The following RGS17 variants were observed in gnomAD, a reference collection of about 807,000 sequenced individuals.
RGS17 encodes the protein regulator of G-protein signaling 17.
A neutral mutation model predicts 25.5 loss-of-function variants in RGS17; 12 were observed. The ratio of observed to expected loss-of-function variants is 0.47; its 90% CI spans 0.30 to 0.76. The LOEUF is 0.76. Among genes scored for constraint, RGS17 ranks in the 30% least tolerant of loss-of-function variants. RGS17 has a pLI of 0.07. For synonymous variants in RGS17, 71 were observed against 76.9 expected, an observed-to-expected ratio of 0.92 and a Z score of 0.40; for missense variants, 196 against 242.2, an observed-to-expected ratio of 0.81 and a Z score of 1.27.
intron 1 of RGS17, among the ~76,000 whole-genome samples, chr6:153,056,782 T>A (rs1253857876): frequency 1.3e-5 from 2 of 152,068 alleles, no homozygotes; most frequent in Non-Finnish European, 2.9e-5. Flanking sequence ...TTATTCTTCA[T>A]CCTTTTGTTT....
Position 153,007,395 on chromosome 6 carries a change from T to C in RGS17, c.*4179A>G, listed in dbSNP as rs1235571938. On this transcript the variant is annotated 3_prime_UTR_variant, in exon 5 of 5. Coordinates refer to ENST00000206262, the MANE Select transcript of RGS17 (RefSeq NM_012419.5). ...TGAAGATGGAAAACACAAAAATACA[T>C]GTTTGAAAAATATACTTAGAAAATT... The C allele has an allele frequency of 6.6e-6, 1 of 152,134 alleles. No individual in the cohort carries two copies. Among genetic ancestry groups the C allele is most frequent in the African/African-American group, 2.4e-5 (1 of 41,428 alleles). The allele number at this position is 152,134 out of a possible 1,614,324, so 9.4% of individuals were successfully genotyped here.
Position 153,077,896 on chromosome 6 carries a change from C to G in RGS17, c.-25-33853G>C, listed in dbSNP as rs1776908084. ...TCTTTTTTATTTTTTTTTTTTGAGA[C>G]AGAGACTCGCTCCATCACCCAAGCT... On this transcript the variant is annotated intron_variant, in intron 1 of 4. Coordinates refer to ENST00000206262, the MANE Select transcript of RGS17 (RefSeq NM_012419.5). Among the ~76,000 whole-genome samples the G allele has an allele frequency of 2.0e-5, 3 of 148,422 alleles. No individual in the cohort carries two copies. In the South Asian group the frequency reaches 6.3e-4, roughly 31 times the overall value.
chr6:153,114,657 G>A (rs1218777162), intron 1 of RGS17, among the ~76,000 whole-genome samples: 1 of 152,172 alleles, frequency 6.6e-6, no homozygotes, highest in East Asian at 1.9e-4. Context: ...TATCCCTGAT[G>A]AACATCGACG....
chr6:153,053,877 T>C (rs1776495487), intron 1 of RGS17, among the ~76,000 whole-genome samples: 1 of 143,990 alleles, frequency 6.9e-6, no homozygotes, highest in Admixed American at 7.2e-5. Context: ...TTTATACTTA[T>C]CTATATTTTC....
chr6:153,073,832 G>A (rs1776840829), intron 1 of RGS17, among the ~76,000 whole-genome samples: 1 of 152,144 alleles, frequency 6.6e-6, no homozygotes, highest in African/African-American at 2.4e-5. Flanking sequence ...GGACAGAGGA[G>A]GAAAGGGAGA....
intron 1 of RGS17, among the ~76,000 whole-genome samples, chr6:153,053,988 TA>T (rs1298962432): frequency 1.9e-5 from 1 of 53,644 alleles, no homozygotes; most frequent in Non-Finnish European, 2.9e-5. Flanking sequence ...TATATATGTA[TA>T]TAATATATAT....
chr6:153,029,602 T>TC (rs1414941080), intron 2 of RGS17, among the ~76,000 whole-genome samples: 2 of 152,074 alleles, frequency 1.3e-5, no homozygotes, highest in African/African-American at 4.8e-5. Flanking sequence ...TTTTTCTTTT[T>TC]TTTTTTAAGA....
At chr6:153,066,709 T>C (rs1054386918) in intron 1 of RGS17, among the ~76,000 whole-genome samples, 1 of 152,186 alleles carries the variant, frequency 6.6e-6, no homozygotes, top group Admixed American at 6.5e-5. Flanking sequence ...AATCGATCAA[T>C]GTGATATATC....
chr6:153,048,179 C>G (rs773134911), intron 1 of RGS17, among the ~76,000 whole-genome samples: 2 of 152,156 alleles, frequency 1.3e-5, no homozygotes, highest in Non-Finnish European at 2.9e-5. Flanking sequence ...CTAATCTGCC[C>G]TCATTATCTT....
intron 3 of RGS17, 123 bp from the exon 4 acceptor site, chr6:153,024,619 G>A: frequency 2.8e-6 from 2 of 710,796 alleles, no homozygotes; most frequent in Non-Finnish European, 4.8e-6. Context: ...TCAGTATTTT[G>A]CCACTCAGTC....
chr6:153,011,887 G>T, intron 4 of RGS17, 125 bp from the exon 5 acceptor site: 3 of 658,060 alleles, frequency 4.6e-6, no homozygotes, highest in South Asian at 5.2e-5. Flanking sequence ...AAAAGTCTTG[G>T]GTTCATCTTT....
intron 1 of RGS17, among the ~76,000 whole-genome samples, chr6:153,058,276 CATT>C (rs1234021509): frequency 2.6e-5 from 4 of 152,182 alleles, no homozygotes; most frequent in South Asian, 2.1e-4. Flanking sequence ...AGGTTTTCAT[CATT>C]ATCTTCCTGC....
rs1779086063 is a variant in RGS17, at chr6:153,007,299, A to C, written c.*4275T>G. ...TTGATAAATATTTGCAGTTGTAGCA[A>C]GTGAAGAATTAAAAATTTTTGCAGA... On this transcript the variant is annotated 3_prime_UTR_variant, in exon 5 of 5. Transcript: ENST00000206262. 1 of 152,196 alleles carries C rather than the reference A, an allele frequency of 6.6e-6. No homozygotes were observed. Among genetic ancestry groups the C allele is most frequent in the Non-Finnish European group, 1.5e-5 (1 of 68,036 alleles). 9.4% of individuals were successfully genotyped at this position (152,196 alleles called of 1,614,324 possible).
At chr6:153,053,301 T>A (rs1776487705) in intron 1 of RGS17, among the ~76,000 whole-genome samples, 1 of 152,176 alleles carries the variant, frequency 6.6e-6, no homozygotes, top group Non-Finnish European at 1.5e-5. Flanking sequence ...CAACATAATT[T>A]TCATAAGCAT....
intron 4 of RGS17, among the ~76,000 whole-genome samples, chr6:153,012,511 C>A (rs2129105235): frequency 6.6e-6 from 1 of 152,250 alleles, no homozygotes; most frequent in African/African-American, 2.4e-5. Flanking sequence ...AGGATCTTCC[C>A]CCTTCCTCAC....
At chr6:153,018,433 C>T (rs903199320) in intron 4 of RGS17, among the ~76,000 whole-genome samples, 3 of 152,076 alleles carry the variant, frequency 2.0e-5, no homozygotes, top group Non-Finnish European at 2.9e-5. Context: ...GTGGTACCAT[C>T]GGTCCTCGTG....
intron 1 of RGS17, among the ~76,000 whole-genome samples, chr6:153,067,875 A>G (rs12212075): frequency 0.074 from 11,263 of 152,242 alleles, 453 homozygotes; most frequent in African/African-American, 0.082. Context: ...AAAAAGAAAA[A>G]CTGGAGGAAT....
chr6:153,096,285 G>A (rs1207426035), intron 1 of RGS17, among the ~76,000 whole-genome samples: 1 of 152,142 alleles, frequency 6.6e-6, no homozygotes, highest in Non-Finnish European at 1.5e-5. Flanking sequence ...ATGTGGCTGA[G>A]GTCTAGCTCT....
At chr6:153,020,117 T>A (rs1324280492) in intron 4 of RGS17, among the ~76,000 whole-genome samples, 18 of 78,094 alleles carry the variant, frequency 2.3e-4, no homozygotes, top group Admixed American at 6.0e-4. Context: ...AAAAAATATA[T>A]ATATATATAT....
Sources: gnomAD v4.1 joint callset for allele counts (sites outside exome capture counted in the v4.1 genomes callset) on GRCh38, gnomAD v4.1.1 for gene constraint, MANE v1.5 for transcripts, NCBI Gene and HGNC (gene_info 2026-07-23, HGNC 2026-07-21) for gene names.